The following RBP7 variants were observed in gnomAD, a reference collection of about 807,000 sequenced individuals.
RBP7 encodes retinoid-binding protein 7.
RBP7 carries 13 observed loss-of-function variants against 16.7 expected under a neutral mutation model. The ratio of observed to expected loss-of-function variants is 0.78; its 90% CI spans 0.51 to 1.24. The LOEUF is 1.24. Ranked by LOEUF, RBP7 falls within the 50% of genes most tolerant of loss-of-function variation. The pLI is 0.00. For missense variants in RBP7, 145 were observed against 159.5 expected, an observed-to-expected ratio of 0.91 and a Z score of 0.49; for synonymous variants, 54 against 56.2, an observed-to-expected ratio of 0.96 and a Z score of 0.17.
chr1:10,012,018 A>G (rs1178211037), intron 3 of RBP7, among the ~76,000 whole-genome samples: 1 of 151,956 alleles, frequency 6.6e-6, no homozygotes, highest in Non-Finnish European at 1.5e-5. Context: ...CCTGACCAAC[A>G]TGGAGAAACT....
chr1:10,015,220 T>A (rs1313134451), intron 3 of RBP7, among the ~76,000 whole-genome samples: 1 of 151,924 alleles, frequency 6.6e-6, no homozygotes, highest in Non-Finnish European at 1.5e-5. Flanking sequence ...GGCGGGCAGA[T>A]CATGAGGTCA....
At chr1:9,999,489 G>A (rs915033026) in intron 1 of RBP7, among the ~76,000 whole-genome samples, 1 of 152,100 alleles carries the variant, frequency 6.6e-6, no homozygotes, top group African/African-American at 2.4e-5. Flanking sequence ...GGAGGCAGAG[G>A]TTGCAGTGAG....
chr1:10,007,370 C>A (rs1014301339), intron 1 of RBP7, among the ~76,000 whole-genome samples, 200 bp from the exon 2 acceptor site: 1 of 152,060 alleles, frequency 6.6e-6, no homozygotes, highest in Non-Finnish European at 1.5e-5. Flanking sequence ...CTGCACCTGG[C>A]ATTTGCAAAC....
rs1040708093 is a variant in RBP7, at chr1:9,997,890, C to G, written c.73+559C>G. ...GATGCAGAATCCTGGAGCCAGCGGA[C>G]GACCCTTCAGGTCCGGGCACCCGCG... On this transcript the variant is annotated intron_variant, in intron 1 of 3. Transcript: ENST00000294435. This position sits in a 1 kb window ranked among gnomAD's most constrained non-coding sequence, Gnocchi z 5.9. Among the ~76,000 whole-genome samples the G allele has an allele frequency of 6.6e-6, 1 of 152,136 alleles. No homozygotes were observed. Among genetic ancestry groups the G allele is most frequent in the African/African-American group, 2.4e-5 (1 of 41,452 alleles).
chr1:10,014,536 A>C, intron 3 of RBP7, among the ~76,000 whole-genome samples: 1 of 151,326 alleles, frequency 6.6e-6, no homozygotes. Flanking sequence ...ACAGGCATGC[A>C]CCACCACACC....
At chr1:10,006,751 GTA>G (rs763226271) in intron 1 of RBP7, among the ~76,000 whole-genome samples, 72 of 138,460 alleles carry the variant, frequency 5.2e-4, no homozygotes, top group Non-Finnish European at 8.3e-4. Context: ...GTGTGTGTGT[GTA>G]TATATATATA....
At chr1:10,010,215 A>T (rs1005623432) in intron 3 of RBP7, among the ~76,000 whole-genome samples, 14 of 152,186 alleles carry the variant, frequency 9.2e-5, no homozygotes, top group Non-Finnish European at 1.9e-4. Context: ...TTCTGGGTTC[A>T]AGCAATTCTC....
chr1:10,011,155 T>C (rs1248900306), intron 3 of RBP7, among the ~76,000 whole-genome samples: 2 of 152,214 alleles, frequency 1.3e-5, no homozygotes, highest in African/African-American at 4.8e-5. Flanking sequence ...ATATTTAACA[T>C]TCTTTATTTT....
intron 2 of RBP7, 92 bp from the exon 3 acceptor site, chr1:10,008,081 T>C: frequency 1.3e-6 from 1 of 783,684 alleles, no homozygotes; most frequent in Non-Finnish European, 2.2e-6. Context: ...GTAAGTAGGC[T>C]GTTGATTTTG....
rs1390451343 is a variant in RBP7, at chr1:10,010,082, C to G, written c.354+1808C>G. ...ATCACTCCAAAACATTCCCTAGAGGCCATGTGCTGACAACTATTATTTTAC... is the reference window on the plus strand; with the variant it reads ...ATCACTCCAAAACATTCCCTAGAGGGCATGTGCTGACAACTATTATTTTAC... On this transcript the variant is annotated intron_variant, in intron 3 of 3. Transcript: ENST00000294435. Among the ~76,000 whole-genome samples the G allele has an allele frequency of 2.0e-5, 3 of 152,208 alleles. No individual in the cohort carries two copies. In the East Asian group the frequency reaches 5.8e-4, roughly 29 times the overall value.
rs747196371 is a variant in RBP7, at chr1:9,997,246, G to A, written c.-13G>A. ...TCCGGCCGCCCGCCGGGTTTGTCCC[G>A]CGATCCCCGACCATGCCCGCCGACC... On this transcript the variant is annotated 5_prime_UTR_variant, in exon 1 of 4. Coordinates refer to ENST00000294435, the MANE Select transcript of RBP7 (RefSeq NM_052960.3). The surrounding 1 kb of genome is among the most constrained non-coding windows in gnomAD (Gnocchi z 5.9). 3 of 1,432,412 alleles carry A rather than the reference G, an allele frequency of 2.1e-6. No individual in the cohort carries two copies. In the South Asian group the frequency reaches 3.4e-5, roughly 16 times the overall value. 88.7% of individuals were successfully genotyped at this position (1,432,412 alleles called of 1,614,324 possible).
intron 3 of RBP7, among the ~76,000 whole-genome samples, chr1:10,009,925 T>C (rs894170806): frequency 2.0e-5 from 3 of 152,178 alleles, no homozygotes; most frequent in African/African-American, 4.8e-5. Context: ...TGAGGTGTTT[T>C]TCTTTAATGG....
At chr1:9,998,407 C>CTTTT (rs772810621) in intron 1 of RBP7, among the ~76,000 whole-genome samples, 47 of 121,588 alleles carry the variant, frequency 3.9e-4, no homozygotes, top group African/African-American at 8.0e-4. Context: ...TTCTTTCTTT[C>CTTTT]TTTTTTTTTT....
intron 1 of RBP7, 45 bp from the exon 2 acceptor site, chr1:10,007,525 G>A (rs774755954): frequency 2.2e-6 from 3 of 1,375,642 alleles, no homozygotes; most frequent in South Asian, 1.3e-5. Context: ...CTTCACTTTT[G>A]TATCTCAAGC....
chr1:10,006,427 T>C (rs1388492656), intron 1 of RBP7, among the ~76,000 whole-genome samples: 2 of 152,102 alleles, frequency 1.3e-5, no homozygotes, highest in Non-Finnish European at 2.9e-5. Flanking sequence ...GGAGAATCAC[T>C]TGAGCCTGAA....
intron 3 of RBP7, among the ~76,000 whole-genome samples, 169 bp downstream of exon 3, chr1:10,008,443 ATT>A (rs375450283): frequency 5.2e-5 from 7 of 134,328 alleles, no homozygotes; most frequent in African/African-American, 2.8e-5. Context: ...CATCTCTACT[ATT>A]TTTTTTTTTT....
intron 1 of RBP7, among the ~76,000 whole-genome samples, chr1:10,003,405 G>A (rs1259472899): frequency 6.6e-6 from 1 of 152,130 alleles, no homozygotes; most frequent in Non-Finnish European, 1.5e-5. Flanking sequence ...TCCAGCCTGG[G>A]TGACAAGAGC....
chr1:9,998,415 T>C (rs28564531), intron 1 of RBP7, among the ~76,000 whole-genome samples: 2 of 104,964 alleles, frequency 1.9e-5, no homozygotes, highest in African/African-American at 5.6e-5. Context: ...TTCTTTTTTT[T>C]TTTTTTTTTT....
rs749999284 is a variant in RBP7, at chr1:9,997,371, G to A, written c.73+40G>A. On this transcript the variant is annotated intron_variant, in intron 1 of 3. Transcript: ENST00000294435. The surrounding 1 kb of genome is among the most constrained non-coding windows in gnomAD (Gnocchi z 5.9). ...AGGCGGCGGCGGCGCGAGGCTCGCC[G>A]TGGGTCTCGGGATCAGGCGAAGGCG... The A allele has an allele frequency of 1.9e-6, 3 of 1,593,728 alleles. No individual in the cohort carries two copies. Among genetic ancestry groups the A allele is most frequent in the East Asian group, 4.5e-5 (2 of 44,338 alleles).
Sources: gnomAD v4.1 joint callset for allele counts (sites outside exome capture counted in the v4.1 genomes callset) on GRCh38, gnomAD v4.1.1 for gene constraint, Gnocchi (gnomAD v3.1) non-coding constraint, MANE v1.5 for transcripts, NCBI Gene and HGNC (gene_info 2026-07-23, HGNC 2026-07-21) for gene names.